Variants in SEMA5A observed in about 807,000 individuals in gnomAD.
SEMA5A encodes semaphorin 5A.
In SEMA5A, 55 loss-of-function variants were observed where a neutral mutation model predicts 135.5. That is an observed-to-expected ratio of 0.41 (90% confidence interval 0.33 to 0.51). The LOEUF is 0.51. Ranked by LOEUF, SEMA5A falls within the 20% of genes least tolerant of loss-of-function variation. The pLI, the probability that SEMA5A is intolerant of heterozygous loss-of-function variation, is 0.37. For synonymous variants in SEMA5A, 580 were observed against 546.5 expected (o/e 1.06, Z -0.85); for missense variants, 1,290 against 1,419.9 (o/e 0.91, Z 1.47).
At chr5:9,436,897 C>T (rs1758051357) in intron 2 of SEMA5A, among the ~76,000 whole-genome samples, 1 of 152,122 alleles carries the variant, frequency 6.6e-6, no homozygotes, top group Admixed American at 6.6e-5. Flanking sequence ...CATTTCTGAG[C>T]CAGCCTTTGG....
chr5:9,205,821 G>A (rs1745982548), intron 8 of SEMA5A, among the ~76,000 whole-genome samples: 1 of 152,154 alleles, frequency 6.6e-6, no homozygotes, highest in Non-Finnish European at 1.5e-5. Context: ...CAGGATGAGG[G>A]TGGACCCCTG....
intron 5 of SEMA5A, among the ~76,000 whole-genome samples, chr5:9,263,083 G>A (rs1052046705): frequency 3.3e-5 from 5 of 149,722 alleles, no homozygotes; most frequent in South Asian, 2.1e-4. Flanking sequence ...ACAAAAAATC[G>A]GTTCAGAATA....
chr5:9,543,075 G>A (rs2126400456), intron 1 of SEMA5A, among the ~76,000 whole-genome samples: 1 of 152,318 alleles, frequency 6.6e-6, no homozygotes, highest in East Asian at 1.9e-4. Flanking sequence ...TCACGATTCA[G>A]ATAGGCAGCT....
intron 1 of SEMA5A, among the ~76,000 whole-genome samples, chr5:9,523,884 G>C (rs375779): frequency 0.34 from 51,435 of 151,968 alleles, 8,870 homozygotes; most frequent in East Asian, 0.4. Flanking sequence ...CGTCCACTTA[G>C]AACCTCAGTG....
chr5:9,457,625 T>G (rs1029369121), intron 1 of SEMA5A, among the ~76,000 whole-genome samples: 3 of 152,130 alleles, frequency 2.0e-5, no homozygotes, highest in Non-Finnish European at 1.5e-5. Flanking sequence ...AAAAATAAGG[T>G]ATGTTAGATT....
Position 9,377,539 on chromosome 5 carries a change from CA to C in SEMA5A, c.124+2283del, listed in dbSNP as rs527556974. On this transcript the variant is annotated intron_variant, in intron 3 of 22. Transcript: ENST00000382496. The stretch of plus-strand genomic sequence containing the variant: ...TTCCAGTGAAATATATACGCGAGGA[CA>C]AAAAAAAAAGAGAGAGAAAAAAGTC... Among the ~76,000 whole-genome samples, 176 of 132,224 alleles carry C rather than the reference CA, an allele frequency of 1.3e-3. 2 individuals carry two copies. Among genetic ancestry groups the C allele is most frequent in the African/African-American group, 3.4e-3 (121 of 36,038 alleles). The allele number at this position is 132,224 out of a possible 152,430, so 86.7% of individuals were successfully genotyped here.
chr5:9,201,217 C>T (rs1745686166), intron 9 of SEMA5A, among the ~76,000 whole-genome samples: 2 of 152,026 alleles, frequency 1.3e-5, no homozygotes, highest in African/African-American at 2.4e-5. Flanking sequence ...GGCACGTGCT[C>T]CTCCTGAGTC....
At chr5:9,315,478 A>G (rs1262069417) in intron 5 of SEMA5A, among the ~76,000 whole-genome samples, 1 of 152,206 alleles carries the variant, frequency 6.6e-6, no homozygotes, top group East Asian at 1.9e-4. Context: ...CTTTATAGTA[A>G]GAAAAAATAT....
At chr5:9,388,034 A>G (rs40722) in intron 2 of SEMA5A, among the ~76,000 whole-genome samples, 39,604 of 152,160 alleles carry the variant, frequency 0.26, 5,584 homozygotes, top group Middle Eastern at 0.38. Context: ...ACTGAAACAC[A>G]GACCACTCTT....
chr5:9,288,198 TGACAA>T (rs956906163), intron 5 of SEMA5A, among the ~76,000 whole-genome samples: 4 of 152,212 alleles, frequency 2.6e-5, no homozygotes, highest in East Asian at 1.9e-4. Flanking sequence ...GAAGAAGGCT[TGACAA>T]GACAACTATC....
At chr5:9,221,299 C>CTT (rs869063755) in intron 8 of SEMA5A, among the ~76,000 whole-genome samples, 128 of 103,204 alleles carry the variant, frequency 1.2e-3, no homozygotes, top group African/African-American at 1.4e-3. Context: ...CGAACATTTT[C>CTT]TTTTTTTTTT....
At chr5:9,180,667 T>G (rs1744456967) in intron 11 of SEMA5A, among the ~76,000 whole-genome samples, 3 of 152,140 alleles carry the variant, frequency 2.0e-5, no homozygotes, top group Non-Finnish European at 4.4e-5. Context: ...AGGGTATCCT[T>G]GGGGTCTCTA....
chr5:9,150,858 T>C (rs1311834531), intron 12 of SEMA5A, among the ~76,000 whole-genome samples: 1 of 152,202 alleles, frequency 6.6e-6, no homozygotes, highest in Non-Finnish European at 1.5e-5. Flanking sequence ...GTCTGGGTAC[T>C]GACCAGCTCT....
At chr5:9,436,956 G>A (rs202096656) in intron 2 of SEMA5A, among the ~76,000 whole-genome samples, 1 of 139,116 alleles carries the variant, frequency 7.2e-6, no homozygotes, top group Admixed American at 7.1e-5. Flanking sequence ...ATTGTGAAGT[G>A]GGGGGTCAGT....
At chr5:9,167,621 G>A (rs1330272394) in intron 11 of SEMA5A, among the ~76,000 whole-genome samples, 1 of 152,136 alleles carries the variant, frequency 6.6e-6, no homozygotes, top group East Asian at 1.9e-4. Flanking sequence ...CATCCCCCAA[G>A]AGCCAGCTCT....
At chr5:9,277,256 C>A (rs985598525) in intron 5 of SEMA5A, among the ~76,000 whole-genome samples, 1 of 152,088 alleles carries the variant, frequency 6.6e-6, no homozygotes, top group Non-Finnish European at 1.5e-5. Flanking sequence ...AAATCAAAAC[C>A]ACAATGAGAT....
intron 8 of SEMA5A, among the ~76,000 whole-genome samples, chr5:9,210,696 A>T (rs1216983090): frequency 6.6e-6 from 1 of 152,202 alleles, no homozygotes; most frequent in Non-Finnish European, 1.5e-5. Context: ...TCAGGTATGC[A>T]TCAGGTATGG....
intron 16 of SEMA5A, among the ~76,000 whole-genome samples, chr5:9,101,145 A>G (rs192557717): frequency 6.6e-6 from 1 of 152,338 alleles, no homozygotes; most frequent in African/African-American, 2.4e-5. Flanking sequence ...ATCGAATCTC[A>G]TATAGGTCAT....
intron 18 of SEMA5A, among the ~76,000 whole-genome samples, chr5:9,057,262 T>C (rs1437602027): frequency 6.6e-6 from 1 of 152,212 alleles, no homozygotes; most frequent in African/African-American, 2.4e-5. Context: ...ATCTGTTAAG[T>C]AGGTAGATTT....
Sources: gnomAD v4.1 joint callset for allele counts (sites outside exome capture counted in the v4.1 genomes callset) on GRCh38, gnomAD v4.1.1 for gene constraint, MANE v1.5 for transcripts, NCBI Gene and HGNC (gene_info 2026-07-23, HGNC 2026-07-21) for gene names.